PARD3B: variants seen among roughly 807,000 people sequenced by gnomAD.
PARD3B encodes partitioning defective 3 homolog B.
Under a neutral mutation model 130.2 loss-of-function variants are expected in PARD3B, and 103 were observed. The observed-to-expected ratio is 0.79, with a 90% CI of 0.67 to 0.93. The LOEUF (loss-of-function observed/expected upper bound fraction) is 0.93. Ranked by LOEUF, PARD3B falls within the 40% of genes least tolerant of loss-of-function variation. The pLI, the probability that PARD3B is intolerant of heterozygous loss-of-function variation, is 0.00. For missense variants in PARD3B, 1,609 were observed against 1,499.2 expected (o/e 1.07, Z -1.21); for synonymous variants, 583 against 553.2 (o/e 1.05, Z -0.76).
chr2:205,430,220 C>G (rs1273082098), intron 19 of PARD3B, among the ~76,000 whole-genome samples: 1 of 152,170 alleles, frequency 6.6e-6, no homozygotes, highest in East Asian at 1.9e-4. Flanking sequence ...TATGCAGGTT[C>G]CTTATCCCAC....
intron 16 of PARD3B, among the ~76,000 whole-genome samples, chr2:205,295,466 T>C (rs2041754438): frequency 6.6e-6 from 1 of 152,224 alleles, no homozygotes; most frequent in African/African-American, 2.4e-5. Flanking sequence ...TAATTTTCAC[T>C]AAGTGCCGTG....
At chr2:204,583,997 G>C (rs115180725) in intron 1 of PARD3B, among the ~76,000 whole-genome samples, 209 of 152,354 alleles carry the variant, frequency 1.4e-3, no homozygotes, top group African/African-American at 4.8e-3. Context: ...GGAGTGGTTG[G>C]TGACGTTGCC....
intron 2 of PARD3B, among the ~76,000 whole-genome samples, chr2:204,785,102 G>T (rs2041961476): frequency 6.6e-6 from 1 of 152,090 alleles, no homozygotes; most frequent in Admixed American, 6.5e-5. Context: ...TAAACTGAAA[G>T]AATATATACC....
intron 18 of PARD3B, among the ~76,000 whole-genome samples, chr2:205,316,044 A>G (rs1325664964): frequency 6.6e-6 from 1 of 152,086 alleles, no homozygotes; most frequent in Admixed American, 6.6e-5. Flanking sequence ...TTGGCCCCTA[A>G]TAATCTTTTG....
rs986637252 is a variant in PARD3B at position 204,831,109 on chromosome 2, T to C, written c.223-134043T>C. Among the ~76,000 whole-genome samples, 8 of 152,250 alleles carry C rather than the reference T, an allele frequency of 5.3e-5. No homozygotes were observed. In the South Asian group the frequency reaches 1.7e-3, roughly 31 times the overall value. ...CTAAATTCTGTTGTCTGAACTCTTC[T>C]TTATTGCTAAAATTTAGCTTAATAG... On this transcript the variant is annotated intron_variant, in intron 2 of 22. Coordinates refer to ENST00000406610, the MANE Select transcript of PARD3B (RefSeq NM_001302769.2).
At chr2:204,997,061 G>C (rs947283760) in intron 3 of PARD3B, among the ~76,000 whole-genome samples, 9 of 152,150 alleles carry the variant, frequency 5.9e-5, no homozygotes, top group South Asian at 2.1e-4. Flanking sequence ...CACGCTGGGA[G>C]CTGTAGACCG....
chr2:204,999,900 A>G lies in PARD3B; in HGVS notation c.394+34577A>G, dbSNP rs565839455. Among the ~76,000 whole-genome samples, 12 of 152,222 alleles carry G rather than the reference A, an allele frequency of 7.9e-5. No individual in the cohort carries two copies. In the South Asian group the frequency reaches 1.9e-3, roughly 24 times the overall value. ...AACTTTAAAGGTTTATCTCAGCAAA[A>G]TAGTATTGGAAAAATGATCTATTTA... is the stretch of plus-strand genomic sequence containing the variant. On this transcript the variant is annotated intron_variant, in intron 3 of 22. Transcript: ENST00000406610.
intron 19 of PARD3B, among the ~76,000 whole-genome samples, chr2:205,425,518 C>G (rs772823106): frequency 4.8e-4 from 72 of 150,096 alleles, no homozygotes; most frequent in Non-Finnish European, 8.1e-4. Flanking sequence ...ATTGCAAATC[C>G]CATTAGTTTA....
chr2:204,716,836 A>G (rs1281335042), intron 2 of PARD3B, among the ~76,000 whole-genome samples: 1 of 151,864 alleles, frequency 6.6e-6, no homozygotes, highest in African/African-American at 2.4e-5. Flanking sequence ...GTTAGCCAGG[A>G]TGGTTTCAAT....
chr2:205,370,233 G>T (rs1337579760), intron 18 of PARD3B, among the ~76,000 whole-genome samples: 1 of 152,192 alleles, frequency 6.6e-6, no homozygotes, highest in Admixed American at 6.5e-5. Flanking sequence ...ATTTTTTTAA[G>T]TGGAGGTCAT....
chr2:205,160,264 G>C lies in PARD3B; in HGVS notation c.1620+1357G>C, dbSNP rs1352598237. On this transcript the variant is annotated intron_variant, in intron 11 of 22. Coordinates refer to ENST00000406610, the MANE Select transcript of PARD3B (RefSeq NM_001302769.2). The surrounding 1 kb of genome is among the most constrained non-coding windows in gnomAD (Gnocchi z 4.0). ...ATTTTTCTCATAGCTCTGTGTGGGG[G>C]AGCTGGGGTTTGGGTAGGATTCTGA... is the stretch of plus-strand genomic sequence containing the variant. Among the ~76,000 whole-genome samples the C allele has an allele frequency of 6.6e-6, 1 of 152,178 alleles. No homozygotes were observed. The highest frequency in any genetic ancestry group is 1.5e-5 in the Non-Finnish European group (1 of 68,046).
At chr2:204,858,924 C>A (rs2045069402) in intron 2 of PARD3B, among the ~76,000 whole-genome samples, 1 of 151,324 alleles carries the variant, frequency 6.6e-6, no homozygotes, top group African/African-American at 2.4e-5. Context: ...TTGCTTTTAA[C>A]CCTCACAAAA....
intron 2 of PARD3B, among the ~76,000 whole-genome samples, chr2:204,883,406 T>TATATATATAATATATATATATATAAA (rs2046129679): frequency 2.0e-5 from 2 of 101,768 alleles, no homozygotes; most frequent in Non-Finnish European, 4.2e-5. Flanking sequence ...ATATATATAT[T>TATATATATAATATATATATATATAAA]ATATATATAT....
intron 18 of PARD3B, among the ~76,000 whole-genome samples, chr2:205,361,409 C>G (rs1398052): frequency 0.59 from 89,962 of 151,538 alleles, 30,183 homozygotes; most frequent in South Asian, 0.77. Context: ...GATCTCCCTA[C>G]TCTTCTGGAC....
At chr2:204,661,784 A>G (rs950777742) in intron 1 of PARD3B, among the ~76,000 whole-genome samples, 2 of 152,204 alleles carry the variant, frequency 1.3e-5, no homozygotes, top group African/African-American at 2.4e-5. Context: ...TTTACTGAAA[A>G]AAGTATTGTT....
chr2:204,702,944 G>A (rs976632791), intron 2 of PARD3B, among the ~76,000 whole-genome samples: 1 of 152,116 alleles, frequency 6.6e-6, no homozygotes, highest in Non-Finnish European at 1.5e-5. Flanking sequence ...TGTGAAAACT[G>A]TTATTGTTGA....
intron 2 of PARD3B, among the ~76,000 whole-genome samples, chr2:204,864,446 C>A (rs2045331921): frequency 6.6e-6 from 1 of 152,080 alleles, no homozygotes; most frequent in African/African-American, 2.4e-5. Context: ...ATTGCTTGAC[C>A]ACCCAACATC....
intron 2 of PARD3B, among the ~76,000 whole-genome samples, chr2:204,830,339 G>A (rs2043768876): frequency 6.6e-6 from 1 of 152,116 alleles, no homozygotes; most frequent in Admixed American, 6.5e-5. Flanking sequence ...TTTCAGTGGT[G>A]GATTGCTGTT....
chr2:205,419,745 T>C lies in PARD3B; in HGVS notation c.2741+18622T>C, dbSNP rs577092213. On this transcript the variant is annotated intron_variant, in intron 19 of 22. Coordinates refer to ENST00000406610, the MANE Select transcript of PARD3B (RefSeq NM_001302769.2). ...GGGAGAATCAGGAAGAAATAAGAAATGCTTCCCAGTGCCAGGCACATAGTA... is the reference window on the plus strand; with the variant it reads ...GGGAGAATCAGGAAGAAATAAGAAACGCTTCCCAGTGCCAGGCACATAGTA... 2.4e-3 allele frequency among the ~76,000 whole-genome samples: 365 copies of C among 152,268 alleles called. 2 individuals are homozygous for C. Among genetic ancestry groups the C allele is most frequent in the African/African-American group, 8.6e-3 (357 of 41,564 alleles).
Sources: gnomAD v4.1 joint callset for allele counts (sites outside exome capture counted in the v4.1 genomes callset) on GRCh38, gnomAD v4.1.1 for gene constraint, Gnocchi (gnomAD v3.1) non-coding constraint, MANE v1.5 for transcripts, NCBI Gene and HGNC (gene_info 2026-07-23, HGNC 2026-07-21) for gene names.